Variants in SV2C observed in about 807,000 individuals in gnomAD.
SV2C encodes solute carrier family 22 member B3.
A neutral mutation model predicts 79.7 loss-of-function variants in SV2C; 49 were observed. The ratio of observed to expected loss-of-function variants is 0.61; its 90% CI spans 0.49 to 0.78. The LOEUF (loss-of-function observed/expected upper bound fraction) is 0.78. SV2C is among the 30% of genes least tolerant of loss of function. SV2C has a pLI of 0.00. For synonymous variants in SV2C, 334 were observed against 333.2 expected, an observed-to-expected ratio of 1.00 and a Z score of -0.03; for missense variants, 833 against 912.9, an observed-to-expected ratio of 0.91 and a Z score of 1.13.
intron 3 of SV2C, among the ~76,000 whole-genome samples, chr5:76,205,903 G>T (rs968384704): frequency 6.6e-6 from 1 of 152,078 alleles, no homozygotes; most frequent in African/African-American, 2.4e-5. Flanking sequence ...AGCCCCCAAG[G>T]TATGACAACC....
chr5:75,850,909 T>A, the SV2C span, among the ~76,000 whole-genome samples: 1 of 152,116 alleles, frequency 6.6e-6, no homozygotes, highest in African/African-American at 2.4e-5. Context: ...TGTTGATAAG[T>A]CGGGCATAGG....
At chr5:76,158,632 A>G (rs1300153850) in intron 2 of SV2C, among the ~76,000 whole-genome samples, 1 of 152,028 alleles carries the variant, frequency 6.6e-6, no homozygotes, top group Non-Finnish European at 1.5e-5. Context: ...TTCAAGAGGG[A>G]TATAACAACT....
chr5:76,152,220 C>T (rs77342639), intron 2 of SV2C, among the ~76,000 whole-genome samples: 4 of 152,090 alleles, frequency 2.6e-5, no homozygotes, highest in East Asian at 3.9e-4. Context: ...ATGAACTGCT[C>T]GATTTGGTTT....
At chr5:76,167,653 G>A (rs536619047) in intron 2 of SV2C, among the ~76,000 whole-genome samples, 19 of 152,306 alleles carry the variant, frequency 1.2e-4, no homozygotes, top group Admixed American at 6.5e-4. Context: ...TTTTACAATT[G>A]ATGAAAATGA....
the SV2C span, among the ~76,000 whole-genome samples, chr5:76,054,857 C>G: frequency 8.6e-5 from 13 of 151,774 alleles, no homozygotes; most frequent in African/African-American, 2.9e-4. Flanking sequence ...TTGTTTTTTT[C>G]TTGTAAATTT....
chr5:76,096,035 TG>T (rs2112107831), intron 1 of SV2C, among the ~76,000 whole-genome samples: 1 of 152,314 alleles, frequency 6.6e-6, no homozygotes, highest in Non-Finnish European at 1.5e-5. Context: ...TGCTTTTACA[TG>T]AATCTGTCAG....
chr5:75,904,094 C>T, the SV2C span, among the ~76,000 whole-genome samples: 1 of 152,056 alleles, frequency 6.6e-6, no homozygotes, highest in Non-Finnish European at 1.5e-5. Flanking sequence ...TAGCTCAAGA[C>T]CAAATATGTG....
the SV2C span, among the ~76,000 whole-genome samples, chr5:75,948,239 G>A: frequency 2.0e-3 from 303 of 152,210 alleles, 3 homozygotes; most frequent in African/African-American, 6.7e-3. Flanking sequence ...TGTATTCAGT[G>A]AGATGTTACT....
the SV2C span, among the ~76,000 whole-genome samples, chr5:75,868,447 T>A: frequency 6.6e-6 from 1 of 151,892 alleles, no homozygotes; most frequent in African/African-American, 2.4e-5. Flanking sequence ...TGGAGGAGAG[T>A]GAGACTAGAA....
chr5:75,948,691 G>C, the SV2C span, among the ~76,000 whole-genome samples: 5 of 151,940 alleles, frequency 3.3e-5, no homozygotes, highest in African/African-American at 1.2e-4. Flanking sequence ...TCTGGAGAAG[G>C]GATGTTTAAG....
chr5:76,343,612 G>A (rs1430728175), intron 12 of SV2C, among the ~76,000 whole-genome samples: 2 of 152,164 alleles, frequency 1.3e-5, no homozygotes, highest in African/African-American at 4.8e-5. Flanking sequence ...CTGCTGAGGA[G>A]GGGGGCAAAT....
chr5:76,038,943 A>G, the SV2C span, among the ~76,000 whole-genome samples: 40 of 152,242 alleles, frequency 2.6e-4, no homozygotes, highest in Admixed American at 1.8e-3. Context: ...CCTCCTTTCC[A>G]GAAGAAACAG....
the SV2C span, among the ~76,000 whole-genome samples, chr5:75,905,399 T>A: frequency 2.4e-4 from 36 of 152,344 alleles, no homozygotes; most frequent in African/African-American, 7.9e-4. Flanking sequence ...GTTTGATTAA[T>A]ATATGCATTA....
At chr5:76,339,704 ACT>A (rs1377703543) in intron 12 of SV2C, among the ~76,000 whole-genome samples, 3 of 145,362 alleles carry the variant, frequency 2.1e-5, no homozygotes, top group African/African-American at 7.8e-5. Flanking sequence ...ACAGAGTGAG[ACT>A]CTGTCTCAAA....
At chr5:76,079,821 A>G (rs527393481), upstream of SV2C, 165 of 183,528 alleles carry the variant, frequency 9.0e-4, no homozygotes, top group Non-Finnish European at 1.7e-3. Flanking sequence ...TCACTTCCAT[A>G]TGCTGTACAT....
chr5:76,228,752 T>C (rs1248713316), intron 4 of SV2C, among the ~76,000 whole-genome samples: 1 of 151,972 alleles, frequency 6.6e-6, no homozygotes, highest in Non-Finnish European at 1.5e-5. Flanking sequence ...AGTGAAGGTA[T>C]ATTCTTTAAT....
At chr5:76,302,001 T>C (rs1254112296) in intron 12 of SV2C, among the ~76,000 whole-genome samples, 1 of 149,448 alleles carries the variant, frequency 6.7e-6, no homozygotes, top group Admixed American at 6.7e-5. Flanking sequence ...TAGGTTCCAC[T>C]CATATCTTTT....
the SV2C span, among the ~76,000 whole-genome samples, chr5:76,030,277 T>TG: frequency 2.8e-5 from 3 of 108,260 alleles, no homozygotes; most frequent in East Asian, 2.1e-4. Context: ...TTTTTTTTTT[T>TG]TTTTTTTTTT....
At chr5:76,335,524 A>C (rs1281963353), downstream of SV2C, among the ~76,000 whole-genome samples, 1 of 150,672 alleles carries the variant, frequency 6.6e-6, no homozygotes, top group Non-Finnish European at 1.5e-5. Flanking sequence ...GCAGATAAAC[A>C]AGTGAACAAA....
Sources: gnomAD v4.1 joint callset for allele counts (sites outside exome capture counted in the v4.1 genomes callset) on GRCh38, gnomAD v4.1.1 for gene constraint, MANE v1.5 for transcripts, NCBI Gene and HGNC (gene_info 2026-07-23, HGNC 2026-07-21) for gene names.